SAMD5: variants seen among roughly 807,000 people sequenced by gnomAD.
SAMD5 encodes the protein sterile alpha motif domain containing 5, also known as sterile alpha motif domain-containing protein 5.
SAMD5 carries 13 observed loss-of-function variants against 11.3 expected under a neutral mutation model. The observed-to-expected ratio is 1.15, with a 90% confidence interval of 0.75 to 1.83. SAMD5 has a LOEUF of 1.83. Ranked by LOEUF, SAMD5 falls within the 40% of genes most tolerant of loss-of-function variation. SAMD5 has a pLI of 0.00. For missense variants in SAMD5, 255 were observed against 239.1 expected, an observed-to-expected ratio of 1.07 and a Z score of -0.44; for synonymous variants, 129 against 111.3, an observed-to-expected ratio of 1.16 and a Z score of -1.00.
the SAMD5 span, among the ~76,000 whole-genome samples, chr6:147,919,035 G>A: frequency 6.6e-6 from 1 of 152,078 alleles, no homozygotes; most frequent in Admixed American, 6.6e-5. Context: ...ACATATTGTG[G>A]GCCCAGAATT....
In SAMD5 at chr6:147,616,159, T is replaced by TATATTTCATATATATTTATTCATAC. The variant is rs1296131492; in HGVS notation, c.162+106796_162+106797insCATATTTCATATATATTTATTCATA. Among the ~76,000 whole-genome samples, 3 of 147,156 alleles carry TATATTTCATATATATTTATTCATAC rather than the reference T, an allele frequency of 2.0e-5. No individual in the cohort carries two copies. In the East Asian group the frequency reaches 5.8e-4, roughly 29 times the overall value. On this transcript the variant is annotated intron_variant, in intron 1 of 1. Transcript: ENST00000566741. The stretch of plus-strand genomic sequence containing the variant: ...TATATTTCATATATATTTATTCATA[T>TATATTTCATATATATTTATTCATAC]ATATTTCATATATATTTATTCATAT...
At chr6:147,843,080 T>C in the SAMD5 span, among the ~76,000 whole-genome samples, 18 of 152,288 alleles carry the variant, frequency 1.2e-4, no homozygotes, top group African/African-American at 4.3e-4. Flanking sequence ...GCCAGGCTGG[T>C]CTTGAACTCT....
At chr6:147,583,737 G>C (rs1374894809) in intron 1 of SAMD5, among the ~76,000 whole-genome samples, 4 of 151,806 alleles carry the variant, frequency 2.6e-5, no homozygotes, top group Admixed American at 6.6e-5. Context: ...ACGGTAAAAT[G>C]AACAGCGGGA....
At chr6:147,782,187 A>G in the SAMD5 span, among the ~76,000 whole-genome samples, 2 of 151,924 alleles carry the variant, frequency 1.3e-5, no homozygotes, top group Non-Finnish European at 2.9e-5. Flanking sequence ...ACTTTGTAGG[A>G]GGTCAAAGAA....
the SAMD5 span, among the ~76,000 whole-genome samples, chr6:147,777,535 C>T: frequency 2.0e-5 from 3 of 152,280 alleles, no homozygotes; most frequent in South Asian, 4.1e-4. Context: ...GCACACAACA[C>T]GAAGTTTACC....
intron 1 of SAMD5, among the ~76,000 whole-genome samples, chr6:147,728,789 A>C (rs1158202555): frequency 6.6e-6 from 1 of 152,238 alleles, no homozygotes; most frequent in Non-Finnish European, 1.5e-5. Context: ...TTTCTGTAAA[A>C]GGATTGTAGC....
chr6:147,713,378 C>T (rs549874177), intron 1 of SAMD5, among the ~76,000 whole-genome samples: 15 of 152,102 alleles, frequency 9.9e-5, no homozygotes, highest in African/African-American at 1.4e-4. Context: ...TTTGCCGAGT[C>T]GAGTGCTGTA....
At chr6:147,549,560 G>C (rs1310915648) in intron 1 of SAMD5, among the ~76,000 whole-genome samples, 2 of 152,076 alleles carry the variant, frequency 1.3e-5, no homozygotes, top group African/African-American at 4.8e-5. Flanking sequence ...TTCCATAATA[G>C]AGCAACACAT....
intron 1 of SAMD5, among the ~76,000 whole-genome samples, chr6:147,599,531 T>TA (rs996368788): frequency 5.9e-5 from 9 of 152,224 alleles, no homozygotes; most frequent in African/African-American, 2.2e-4. Context: ...TTTTTCCAGA[T>TA]AAAATCTAAG....
the SAMD5 span, among the ~76,000 whole-genome samples, chr6:147,932,918 A>G: frequency 6.6e-6 from 1 of 152,158 alleles, no homozygotes; most frequent in Non-Finnish European, 1.5e-5. Context: ...GATTATGTAA[A>G]AACAGTATTT....
At chr6:147,635,212 C>T (rs4896932) in intron 1 of SAMD5, among the ~76,000 whole-genome samples, 73,107 of 151,834 alleles carry the variant, frequency 0.48, 19,361 homozygotes, top group South Asian at 0.66. Context: ...CCCTCATCGC[C>T]GTCATCACTG....
intron 1 of SAMD5, among the ~76,000 whole-genome samples, chr6:147,618,824 C>T (rs77129260): frequency 0.071 from 10,791 of 152,312 alleles, 456 homozygotes; most frequent in Middle Eastern, 0.13. Flanking sequence ...TGAACAACAC[C>T]TTTCTACTTA....
At chr6:147,905,037 C>T in the SAMD5 span, among the ~76,000 whole-genome samples, 4 of 151,894 alleles carry the variant, frequency 2.6e-5, no homozygotes, top group South Asian at 6.2e-4. Flanking sequence ...TACAGGCATG[C>T]GCCACCACGC....
At chr6:147,593,580 C>T (rs1025225985) in intron 1 of SAMD5, among the ~76,000 whole-genome samples, 12 of 152,264 alleles carry the variant, frequency 7.9e-5, no homozygotes, top group African/African-American at 2.2e-4. Context: ...TAGTCACTTG[C>T]AATTGCCTGA....
chr6:147,795,933 T>C, the SAMD5 span, among the ~76,000 whole-genome samples: 1 of 151,750 alleles, frequency 6.6e-6, no homozygotes, highest in Non-Finnish European at 1.5e-5. Flanking sequence ...TTCTTGTAAA[T>C]TTGTTTGAGT....
the SAMD5 span, among the ~76,000 whole-genome samples, chr6:147,936,337 T>C: frequency 6.6e-6 from 1 of 151,458 alleles, no homozygotes; most frequent in South Asian, 2.1e-4. Context: ...ACAGGAAGCA[T>C]AGCACTAGCA....
chr6:147,634,675 G>A (rs1273783135), intron 1 of SAMD5, among the ~76,000 whole-genome samples: 1 of 152,160 alleles, frequency 6.6e-6, no homozygotes, highest in Non-Finnish European at 1.5e-5. Context: ...TTTTGAAGGA[G>A]GGATTTTACC....
At chr6:147,581,181 A>C (rs184614805) in intron 1 of SAMD5, among the ~76,000 whole-genome samples, 1 of 152,158 alleles carries the variant, frequency 6.6e-6, no homozygotes, top group African/African-American at 2.4e-5. Flanking sequence ...GAGCAGACGT[A>C]TATGGCTTGA....
intron 1 of SAMD5, among the ~76,000 whole-genome samples, chr6:147,728,359 G>A (rs1221061994): frequency 2.6e-5 from 4 of 152,040 alleles, no homozygotes; most frequent in South Asian, 4.2e-4. Context: ...TGGAGGTTTC[G>A]GTGAGCTGAG....
Sources: allele counts gnomAD v4.1 joint callset (sites outside exome capture counted in the v4.1 genomes callset), GRCh38; gene constraint gnomAD v4.1.1; transcripts MANE v1.5; gene names NCBI Gene and HGNC (gene_info 2026-07-23, HGNC 2026-07-21).